Variants in GPAT4 observed in about 807,000 individuals in gnomAD.
The protein encoded by GPAT4 is 1-AGP acyltransferase 6.
A neutral mutation model predicts 58.0 loss-of-function variants in GPAT4; 17 were observed. The ratio of observed to expected loss-of-function variants is 0.29; its 90% confidence interval spans 0.20 to 0.44. The LOEUF (loss-of-function observed/expected upper bound fraction) is 0.44, where lower values mean the gene tolerates loss of function less well. Ranked by LOEUF, GPAT4 falls within the 20% of genes least tolerant of loss-of-function variation. GPAT4 has a pLI of 1.00. For missense variants in GPAT4, 377 were observed against 574.5 expected (o/e 0.66, Z 3.51); for synonymous variants, 204 against 210.1 (o/e 0.97, Z 0.25).
rs1309786375 is a variant in GPAT4 at position 41,612,117 on chromosome 8, G to C, written c.702-63G>C. 3.8e-6 allele frequency: 6 copies of C among 1,588,746 alleles called. No homozygotes were observed. In the Admixed American group the frequency reaches 1.0e-4, roughly 27 times the overall value. ...AGAGCAGATGAAGCATGTGAGGTGA[G>C]AGGTGTGTTACATGAACTGTTTCAC... On this transcript the variant is annotated intron_variant, in intron 6 of 12. Transcript: ENST00000396987.
intron 1 of GPAT4, among the ~76,000 whole-genome samples, chr8:41,592,383 G>A (rs572656417): frequency 6.6e-6 from 1 of 152,294 alleles, no homozygotes; most frequent in Admixed American, 6.5e-5. Context: ...ACTCCACCAA[G>A]TGACTGTTTT....
At chr8:41,596,204 C>T (rs551691023) in intron 1 of GPAT4, among the ~76,000 whole-genome samples, 137 of 152,182 alleles carry the variant, frequency 9.0e-4, no homozygotes, top group African/African-American at 3.2e-3. Flanking sequence ...GTGGGGTGGG[C>T]TTATTTTGTG....
intron 2 of GPAT4, among the ~76,000 whole-genome samples, chr8:41,607,005 A>G (rs1415186302): frequency 6.6e-6 from 1 of 152,190 alleles, no homozygotes; most frequent in East Asian, 1.9e-4. Context: ...TTGCATTTCC[A>G]GTCCTTCTGA....
chr8:41,612,168 T>C lies in GPAT4; in HGVS notation c.702-12T>C, dbSNP rs1216001961. On this transcript the variant is annotated splice_polypyrimidine_tract_variant and intron_variant, in intron 6 of 12. Transcript: ENST00000396987. ...ACTAATTTTGGTTGCTTTGCATACATTTTAAACCCAGGGAAAACAGACCAA... is the reference window on the plus strand; with the variant it reads ...ACTAATTTTGGTTGCTTTGCATACACTTTAAACCCAGGGAAAACAGACCAA... The C allele has an allele frequency of 1.2e-6, 2 of 1,614,164 alleles. No individual in the cohort carries two copies. The highest frequency in any genetic ancestry group is 1.7e-6 in the Non-Finnish European group (2 of 1,179,972).
chr8:41,609,350 G>A, intron 2 of GPAT4, 66 bp from the exon 3 acceptor site: 3 of 1,472,478 alleles, frequency 2.0e-6, no homozygotes, highest in African/African-American at 1.4e-5. Context: ...AATAGAGATG[G>A]AGGTGTTCAC....
At chr8:41,614,267 A>G (rs56974803) in intron 8 of GPAT4, 119 bp from the exon 9 acceptor site, 157,143 of 801,122 alleles carry the variant, frequency 0.2, 15,929 homozygotes, top group Middle Eastern at 0.23. Flanking sequence ...GGATACAGTT[A>G]TGCTTGTTAA....
intron 12 of GPAT4, 64 bp from the exon 13 acceptor site, chr8:41,620,829 C>G: frequency 6.5e-7 from 1 of 1,547,038 alleles, no homozygotes; most frequent in South Asian, 1.2e-5. Flanking sequence ...GGTGCATCTC[C>G]CATGGTGTGA....
At position 41,585,209 on chromosome 8, in the gene GPAT4, T is replaced by G. The variant is rs74851515; in HGVS notation, c.-849+6931T>G. ...GTGTGCGTGTTTGTTTACATTACAG[T>G]TGGGGCATTTGGTGGGCCTATGTAT... On this transcript the variant is annotated intron_variant, in intron 1 of 12. Transcript: ENST00000396987. Among the ~76,000 whole-genome samples, 413 of 152,328 alleles carry G rather than the reference T, an allele frequency of 2.7e-3. 9 individuals are homozygous for G. The East Asian group carries it at 0.067, about 25-fold the overall frequency.
chr8:41,623,451 G>A lies in GPAT4; in HGVS notation c.*2450G>A. On this transcript the variant is annotated 3_prime_UTR_variant, in exon 13 of 13. Coordinates refer to ENST00000396987, the MANE Select transcript of GPAT4 (RefSeq NM_178819.4). ...CACCCAGTGGTGTAATGAGTGGAAA[G>A]TGCTGGTCAGCTGCTAACCCCCCTC... The A allele has an allele frequency of 6.6e-6, 1 of 152,244 alleles. No individual in the cohort carries two copies. Among genetic ancestry groups the A allele is most frequent in the South Asian group, 2.1e-4 (1 of 4,830 alleles). The allele number at this position is 152,244 out of a possible 1,614,324, so 9.4% of individuals were successfully genotyped here. A position where few individuals can be genotyped will look rare whatever the true frequency, so the allele number is the denominator to read the frequency against.
chr8:41,607,587 G>A (rs1054595728), intron 2 of GPAT4, among the ~76,000 whole-genome samples: 3 of 147,708 alleles, frequency 2.0e-5, no homozygotes, highest in African/African-American at 5.0e-5. Context: ...CTCCCAGGCT[G>A]TAGTGCAGTG....
chr8:41,606,320 A>AGAATT (rs558857884), intron 2 of GPAT4, among the ~76,000 whole-genome samples: 337 of 152,292 alleles, frequency 2.2e-3, no homozygotes, highest in African/African-American at 6.0e-3. Context: ...CAATAGCCTC[A>AGAATT]GAATTGAATT....
chr8:41,615,109 A>C, intron 10 of GPAT4, 61 bp downstream of exon 10: 3 of 1,456,820 alleles, frequency 2.1e-6, no homozygotes, highest in Non-Finnish European at 1.9e-6. Flanking sequence ...GGGGTGCAGC[A>C]GGAGGAGGTA....
At chr8:41,597,168 T>A (rs1802957293) in intron 1 of GPAT4, among the ~76,000 whole-genome samples, 1 of 152,234 alleles carries the variant, frequency 6.6e-6, no homozygotes, top group South Asian at 2.1e-4. Context: ...ATTTTATTTC[T>A]TCTTTCTTTG....
intron 1 of GPAT4, among the ~76,000 whole-genome samples, chr8:41,590,879 T>C (rs1802772059): frequency 6.6e-6 from 1 of 151,624 alleles, no homozygotes; most frequent in South Asian, 2.1e-4. Context: ...ATCATACAGA[T>C]TGATGGACTG....
intron 2 of GPAT4, among the ~76,000 whole-genome samples, chr8:41,600,493 A>G (rs189955058): frequency 2.6e-5 from 4 of 152,264 alleles, no homozygotes; most frequent in Middle Eastern, 3.4e-3. Flanking sequence ...GAGCTATGTG[A>G]AATGTTACAT....
chr8:41,622,379 GTCGGCCACTGGTGCC>G lies in GPAT4; in HGVS notation c.*1380_*1394del, dbSNP rs1290176014. On this transcript the variant is annotated 3_prime_UTR_variant, in exon 13 of 13. Coordinates refer to ENST00000396987, the MANE Select transcript of GPAT4 (RefSeq NM_178819.4). ...CCAGAGCAGGCACCACAGGAAAAGA[GTCGGCCACTGGTGCC>G]TGCTGTACAGTCACAGTGGAGGCAG... is the stretch of plus-strand genomic sequence containing the variant. The G allele has an allele frequency of 1.3e-5, 2 of 152,432 alleles. No homozygotes were observed. The highest frequency in any genetic ancestry group is 2.9e-5 in the Non-Finnish European group (2 of 68,148). The allele number at this position is 152,432 out of a possible 1,614,324, so 9.4% of individuals were successfully genotyped here. A position where few individuals can be genotyped will look rare whatever the true frequency, so the allele number is the denominator to read the frequency against.
intron 8 of GPAT4, among the ~76,000 whole-genome samples, chr8:41,614,039 T>C (rs1015351374): frequency 1.3e-5 from 2 of 152,234 alleles, no homozygotes; most frequent in African/African-American, 4.8e-5. Context: ...GGGCCCAGCC[T>C]CACAACTGTT....
intron 1 of GPAT4, among the ~76,000 whole-genome samples, chr8:41,580,824 GTTGTGTGTCTATT>G (rs1180343639): frequency 6.6e-6 from 1 of 152,188 alleles, no homozygotes; most frequent in East Asian, 1.9e-4. Context: ...GGAGGCAACT[GTTGTGTGTCTATT>G]TTGTGTTTGG....
At chr8:41,584,823 G>C (rs972675089) in intron 1 of GPAT4, 9 of 152,068 alleles carry the variant, frequency 5.9e-5, no homozygotes, top group Admixed American at 3.9e-4. Context: ...CCAGTGCCGT[G>C]TTACTTATCC....
Sources: gnomAD v4.1 joint callset for allele counts (sites outside exome capture counted in the v4.1 genomes callset) on GRCh38, gnomAD v4.1.1 for gene constraint, MANE v1.5 for transcripts, NCBI Gene and HGNC (gene_info 2026-07-23, HGNC 2026-07-21) for gene names.